The following REDIC1 variants were observed in gnomAD, a reference collection of about 807,000 sequenced individuals.
REDIC1 encodes the protein regulator of DNA class I crossover intermediates 1.
At chr12:39,901,033 T>C in the REDIC1 span, among the ~76,000 whole-genome samples, 321 of 152,052 alleles carry the variant, frequency 2.1e-3, no homozygotes, top group Non-Finnish European at 3.8e-3. Flanking sequence ...GAAATAACAC[T>C]GCATATCTAC....
At chr12:39,829,424 T>TTTTTTA in the REDIC1 span, 1 of 127,956 alleles carries the variant, frequency 7.8e-6, no homozygotes, top group Admixed American at 9.0e-5. Context: ...TTCTTTTTTT[T>TTTTTTA]GAGGCAGAGT....
chr12:39,741,861 A>G, the REDIC1 span, among the ~76,000 whole-genome samples: 1 of 152,220 alleles, frequency 6.6e-6, no homozygotes, highest in African/African-American at 2.4e-5. Flanking sequence ...GCTTTGCCAG[A>G]GTCAGCCACA....
At chr12:39,648,053 T>C in the REDIC1 span, 1 of 1,042,280 alleles carries the variant, frequency 9.6e-7, no homozygotes. Flanking sequence ...TTTTATAGAT[T>C]TAAAATATTT....
At chr12:39,649,085 A>G in the REDIC1 span, among the ~76,000 whole-genome samples, 1 of 151,870 alleles carries the variant, frequency 6.6e-6, no homozygotes, top group Non-Finnish European at 1.5e-5. Context: ...ATAGAGGATA[A>G]AACATCTGTG....
chr12:39,626,753 A>T, the REDIC1 span, among the ~76,000 whole-genome samples: 1 of 152,146 alleles, frequency 6.6e-6, no homozygotes, highest in African/African-American at 2.4e-5. Context: ...CTTTGCATGA[A>T]TTTGGAAATT....
chr12:39,743,505 A>G, the REDIC1 span, among the ~76,000 whole-genome samples: 3 of 152,258 alleles, frequency 2.0e-5, no homozygotes, highest in Non-Finnish European at 4.4e-5. Flanking sequence ...TGAAAAGACA[A>G]AGCAGTCACG....
At chr12:39,830,288 T>C in the REDIC1 span, 1 of 1,569,346 alleles carries the variant, frequency 6.4e-7, no homozygotes, top group South Asian at 1.2e-5. Context: ...CACCATATAC[T>C]GGATTCCATG....
At chr12:39,723,363 G>A in the REDIC1 span, among the ~76,000 whole-genome samples, 1 of 152,038 alleles carries the variant, frequency 6.6e-6, no homozygotes, top group Admixed American at 6.6e-5. Flanking sequence ...CAGTTTTATG[G>A]TCTATTCCCT....
At chr12:39,747,085 TG>T in the REDIC1 span, among the ~76,000 whole-genome samples, 1 of 152,180 alleles carries the variant, frequency 6.6e-6, no homozygotes, top group Non-Finnish European at 1.5e-5. Context: ...AGAATGACTT[TG>T]ACAAGTTGAG....
At chr12:39,872,027 G>GA in the REDIC1 span, 2 of 1,348,102 alleles carry the variant, frequency 1.5e-6, no homozygotes, top group Non-Finnish European at 2.0e-6. Flanking sequence ...TATTTTGATA[G>GA]AAAAAGATGT....
chr12:39,714,886 C>T, the REDIC1 span, among the ~76,000 whole-genome samples: 1 of 151,488 alleles, frequency 6.6e-6, no homozygotes, highest in South Asian at 2.1e-4. Flanking sequence ...CTATTCATGC[C>T]CTTAGCCCAC....
the REDIC1 span, chr12:39,736,713 A>G: frequency 2.0e-5 from 3 of 152,388 alleles, no homozygotes; most frequent in East Asian, 5.8e-4. Flanking sequence ...CTTTCAGGAC[A>G]CATGCCGTGG....
the REDIC1 span, among the ~76,000 whole-genome samples, chr12:39,901,026 A>G: frequency 4.6e-5 from 7 of 152,208 alleles, no homozygotes; most frequent in African/African-American, 1.7e-4. Flanking sequence ...GCCCTCAGAA[A>G]TAACACTGCA....
the REDIC1 span, among the ~76,000 whole-genome samples, chr12:39,902,630 A>C: frequency 1.3e-5 from 2 of 152,130 alleles, no homozygotes; most frequent in African/African-American, 4.8e-5. Context: ...ATGTGTCTAA[A>C]GTAGTTTGAA....
chr12:39,727,182 T>C, the REDIC1 span, among the ~76,000 whole-genome samples: 1 of 152,238 alleles, frequency 6.6e-6, no homozygotes, highest in Non-Finnish European at 1.5e-5. Context: ...ATTTTGGCTT[T>C]TGTTGTCACT....
chr12:39,669,348 G>T, the REDIC1 span, among the ~76,000 whole-genome samples: 1 of 152,208 alleles, frequency 6.6e-6, no homozygotes, highest in Non-Finnish European at 1.5e-5. Flanking sequence ...GGTATCAGCA[G>T]GGGAGGCTGC....
chr12:39,839,702 A>G, the REDIC1 span, among the ~76,000 whole-genome samples: 1 of 151,732 alleles, frequency 6.6e-6, no homozygotes, highest in African/African-American at 2.4e-5. Flanking sequence ...ATCTACTTTC[A>G]TTGCTTTGCT....
chr12:39,681,476 T>TA, the REDIC1 span, among the ~76,000 whole-genome samples: 2 of 152,082 alleles, frequency 1.3e-5, no homozygotes, highest in Admixed American at 6.5e-5. Context: ...GAAAGAATAA[T>TA]AAAAAAAGAT....
chr12:39,712,365 CAT>C, the REDIC1 span, among the ~76,000 whole-genome samples: 1 of 101,850 alleles, frequency 9.8e-6, no homozygotes, highest in Non-Finnish European at 2.1e-5. Context: ...TACATACATA[CAT>C]ATGTATATAT....
Sources: allele counts gnomAD v4.1 joint callset (sites outside exome capture counted in the v4.1 genomes callset), GRCh38; gene constraint gnomAD v4.1.1; transcripts MANE v1.5; gene names NCBI Gene and HGNC (gene_info 2026-07-23, HGNC 2026-07-21).